Variants in SLC49A4 observed in about 807,000 individuals in gnomAD.
SLC49A4 encodes solute carrier family 49 member 4, also known as disrupted in renal cancer protein 2.
A neutral mutation model predicts 50.6 loss-of-function variants in SLC49A4; 36 were observed. That is an observed-to-expected ratio of 0.71 (90% CI 0.55 to 0.94). The LOEUF is 0.94. Among genes scored for constraint, SLC49A4 ranks in the 40% least tolerant of loss-of-function variants. The pLI is 0.00. For synonymous variants in SLC49A4, 248 were observed against 241.2 expected (o/e 1.03, Z -0.26); for missense variants, 503 against 605.7 (o/e 0.83, Z 1.78).
At chr3:122,836,063 C>G (rs780929339) in intron 4 of SLC49A4, among the ~76,000 whole-genome samples, 1 of 152,102 alleles carries the variant, frequency 6.6e-6, no homozygotes, top group Non-Finnish European at 1.5e-5. Context: ...TGAAATATCT[C>G]TACAATAACT....
At chr3:122,799,450 AAG>A (rs968098559) in intron 1 of SLC49A4, among the ~76,000 whole-genome samples, 1 of 152,212 alleles carries the variant, frequency 6.6e-6, no homozygotes, top group African/African-American at 2.4e-5. Flanking sequence ...ATGTCCAAGA[AAG>A]AGCAATAAGG....
chr3:122,827,118 T>C, intron 3 of SLC49A4, 53 bp downstream of exon 3: 2 of 1,559,086 alleles, frequency 1.3e-6, no homozygotes, highest in Non-Finnish European at 1.7e-6. Context: ...ATCTCAATCA[T>C]CTTCACTCTA....
At chr3:122,866,867 A>G (rs1384603680) in intron 7 of SLC49A4, among the ~76,000 whole-genome samples, 1 of 152,170 alleles carries the variant, frequency 6.6e-6, no homozygotes, top group East Asian at 1.9e-4. Flanking sequence ...TGCTGCATTC[A>G]GCACCAAGGC....
At chr3:122,847,878 T>C (rs2107574838) in intron 5 of SLC49A4, among the ~76,000 whole-genome samples, 1 of 152,362 alleles carries the variant, frequency 6.6e-6, no homozygotes, top group Admixed American at 6.5e-5. Context: ...ATAAATATGT[T>C]ATCTTGTACA....
chr3:122,851,530 T>A (rs1312976289), intron 5 of SLC49A4, among the ~76,000 whole-genome samples: 2 of 152,192 alleles, frequency 1.3e-5, no homozygotes, highest in African/African-American at 2.4e-5. Context: ...GCTCTCAAAT[T>A]TAAAAGCTGG....
intron 5 of SLC49A4, among the ~76,000 whole-genome samples, chr3:122,847,787 A>C (rs1449262423): frequency 6.6e-6 from 1 of 152,202 alleles, no homozygotes; most frequent in Non-Finnish European, 1.5e-5. Context: ...ACCAACTCTT[A>C]GATACTCTAG....
chr3:122,852,760 T>C (rs1048395587), intron 5 of SLC49A4, among the ~76,000 whole-genome samples: 1 of 152,172 alleles, frequency 6.6e-6, no homozygotes, highest in African/African-American at 2.4e-5. Flanking sequence ...TAAACTCATA[T>C]TTTTTCTTCT....
At chr3:122,853,604 C>CA (rs1293098063) in intron 5 of SLC49A4, among the ~76,000 whole-genome samples, 2 of 152,004 alleles carry the variant, frequency 1.3e-5, no homozygotes, top group Non-Finnish European at 2.9e-5. Context: ...ACCAAAAATA[C>CA]AAAAAATTAG....
At chr3:122,870,892 C>T (rs1440675281) in intron 7 of SLC49A4, among the ~76,000 whole-genome samples, 2 of 151,452 alleles carry the variant, frequency 1.3e-5, no homozygotes, top group Non-Finnish European at 2.9e-5. Flanking sequence ...CTATAGAAGC[C>T]ACCAGTGATA....
chr3:122,829,266 A>C (rs1302293802), intron 3 of SLC49A4, among the ~76,000 whole-genome samples: 3 of 152,232 alleles, frequency 2.0e-5, no homozygotes, highest in South Asian at 4.1e-4. Flanking sequence ...CCAGCAATGC[A>C]AGGTTGGTTT....
intron 3 of SLC49A4, among the ~76,000 whole-genome samples, chr3:122,827,613 C>T (rs1461914431): frequency 6.6e-6 from 1 of 152,202 alleles, no homozygotes; most frequent in Non-Finnish European, 1.5e-5. Context: ...GAGTCAAGCC[C>T]TGGTCCACTC....
Position 122,872,562 on chromosome 3 carries a change from G to C in SLC49A4, c.1286G>C (p.Gly429Ala). ...VVTFLSNMFM[G>A]VLLFFLTFYH... The stretch of plus-strand genomic sequence containing the variant: ...ACTTTTTTAAGTAATATGTTTATGG[G>C]AGTACTTTTATTTTTTCTCACATTT... Residue 429 changes from glycine to alanine, a missense_variant, in exon 8 of 9, where the codon GGA becomes GCA. Gly to Ala is a moderately conservative substitution (Grantham distance 60). Coordinates refer to ENST00000261038, the MANE Select transcript of SLC49A4 (RefSeq NM_032839.3). 2 of 1,596,368 alleles carry C rather than the reference G, an allele frequency of 1.3e-6. No individual in the cohort carries two copies. Among genetic ancestry groups the C allele is most frequent in the Non-Finnish European group, 8.6e-7 (1 of 1,168,994 alleles).
chr3:122,856,307 G>A lies in SLC49A4; in HGVS notation c.943G>A (p.Val315Ile), dbSNP rs746569728. The change falls in exon 6 of 9, where the codon GTA becomes ATA. Residue 315 changes from valine (V) to isoleucine (I), a missense_variant and splice_region_variant. Val to Ile is a conservative substitution (Grantham distance 29). Coordinates refer to ENST00000261038, the MANE Select transcript of SLC49A4 (RefSeq NM_032839.3). ...LILTPAHVSQ[V>I]DAGWIGFWSI... ...AATGTGTCTGCTTCTTTCTTAACAG[G>A]TAGATGCTGGCTGGATTGGATTTTG... 12 of 1,613,736 alleles carry A rather than the reference G, an allele frequency of 7.4e-6. No individual in the cohort carries two copies. Among genetic ancestry groups the A allele is most frequent in the Non-Finnish European group, 1.0e-5 (12 of 1,179,888 alleles).
intron 7 of SLC49A4, 97 bp downstream of exon 7, chr3:122,860,299 A>G (rs1937045787): frequency 8.2e-7 from 1 of 1,216,240 alleles, no homozygotes; most frequent in Admixed American, 3.1e-5. Context: ...TTCTGTAAGT[A>G]ATTGTTAAAT....
intron 4 of SLC49A4, among the ~76,000 whole-genome samples, chr3:122,837,982 G>C (rs1467587472): frequency 6.6e-6 from 1 of 152,030 alleles, no homozygotes; most frequent in Non-Finnish European, 1.5e-5. Context: ...GGCCATCAGA[G>C]AAATGCAAAT....
intron 7 of SLC49A4, among the ~76,000 whole-genome samples, chr3:122,864,609 G>A (rs1937093224): frequency 6.6e-6 from 1 of 152,204 alleles, no homozygotes; most frequent in Admixed American, 6.5e-5. Context: ...CATGCTGGAT[G>A]GGGGAGTAAG....
chr3:122,830,516 C>T (rs1288083522), intron 3 of SLC49A4, among the ~76,000 whole-genome samples: 2 of 152,172 alleles, frequency 1.3e-5, no homozygotes. Context: ...GTAGAAACGC[C>T]ATTACATTTA....
intron 4 of SLC49A4, among the ~76,000 whole-genome samples, chr3:122,839,267 T>A (rs2107570968): frequency 6.6e-6 from 1 of 152,240 alleles, no homozygotes; most frequent in East Asian, 1.9e-4. Flanking sequence ...GACTTAAATA[T>A]AAGATCTGAA....
At chr3:122,878,579 AAAC>A (rs1006033913) in intron 8 of SLC49A4, among the ~76,000 whole-genome samples, 9 of 152,218 alleles carry the variant, frequency 5.9e-5, no homozygotes, top group African/African-American at 1.4e-4. Flanking sequence ...ACATTAAATC[AAAC>A]AACAACAGAA....
Sources: allele counts gnomAD v4.1 joint callset (sites outside exome capture counted in the v4.1 genomes callset), GRCh38; gene constraint gnomAD v4.1.1; transcripts MANE v1.5; gene names NCBI Gene and HGNC (gene_info 2026-07-23, HGNC 2026-07-21).